MYO3B: variants seen among roughly 807,000 people sequenced by gnomAD.
MYO3B encodes myosin IIIB.
Under a neutral mutation model 174.6 loss-of-function variants are expected in MYO3B, and 156 were observed. The ratio of observed to expected loss-of-function variants is 0.89; its 90% CI spans 0.78 to 1.02. The LOEUF (loss-of-function observed/expected upper bound fraction) is 1.02, where lower values mean the gene tolerates loss of function less well. MYO3B is among the 50% of genes least tolerant of loss of function. The pLI, the probability that MYO3B is intolerant of heterozygous loss-of-function variation, is 0.00. For missense variants in MYO3B, 1,632 were observed against 1,639.4 expected, an observed-to-expected ratio of 1.00 and a Z score of 0.08; for synonymous variants, 563 against 569.1, an observed-to-expected ratio of 0.99 and a Z score of 0.15.
chr2:170,178,363 C>G, intron 1 of MYO3B, 74 bp downstream of exon 1: 1 of 1,596,720 alleles, frequency 6.3e-7, no homozygotes, highest in Non-Finnish European at 8.6e-7. Context: ...AGGGCAGATG[C>G]AGCTGCCCTG....
intron 7 of MYO3B, among the ~76,000 whole-genome samples, chr2:170,275,113 C>T (rs568270630): frequency 7.2e-5 from 11 of 152,250 alleles, no homozygotes; most frequent in African/African-American, 2.6e-4. Context: ...TGCTAGGTCC[C>T]CATTTAATGT....
chr2:170,185,507 CTG>C (rs2092451019), intron 1 of MYO3B, among the ~76,000 whole-genome samples: 2 of 152,130 alleles, frequency 1.3e-5, no homozygotes, highest in Admixed American at 1.3e-4. Flanking sequence ...GTCTATATAA[CTG>C]TTTTTATGCC....
intron 7 of MYO3B, among the ~76,000 whole-genome samples, chr2:170,260,337 A>T (rs961614501): frequency 6.6e-6 from 1 of 152,252 alleles, no homozygotes; most frequent in African/African-American, 2.4e-5. Context: ...GATAAAGAAA[A>T]TGTGGTACAT....
chr2:170,441,770 A>AC (rs1353672334), intron 22 of MYO3B, among the ~76,000 whole-genome samples: 1 of 152,212 alleles, frequency 6.6e-6, no homozygotes, highest in Non-Finnish European at 1.5e-5. Flanking sequence ...AATGCATTAT[A>AC]ATTAGCATAT....
At chr2:170,278,464 G>T (rs541079690) in intron 7 of MYO3B, among the ~76,000 whole-genome samples, 1 of 152,168 alleles carries the variant, frequency 6.6e-6, no homozygotes, top group South Asian at 2.1e-4. Flanking sequence ...GTTCATTCTA[G>T]TGCATAAATT....
intron 30 of MYO3B, among the ~76,000 whole-genome samples, chr2:170,540,728 G>T (rs1483815687): frequency 1.3e-5 from 2 of 152,120 alleles, no homozygotes; most frequent in East Asian, 3.9e-4. Flanking sequence ...GAGGAAGTTA[G>T]ATTTTTTAAG....
At chr2:170,492,185 G>A (rs981347507) in intron 25 of MYO3B, among the ~76,000 whole-genome samples, 9 of 152,214 alleles carry the variant, frequency 5.9e-5, no homozygotes, top group East Asian at 3.8e-4. Flanking sequence ...TCAACTGGTC[G>A]GGCTGGCATA....
chr2:170,645,872 T>C (rs1466658482), intron 32 of MYO3B, among the ~76,000 whole-genome samples: 3 of 152,258 alleles, frequency 2.0e-5, no homozygotes, highest in Admixed American at 2.0e-4. Flanking sequence ...CATACACATT[T>C]ATCGCCGCTT....
At chr2:170,400,429 G>A (rs2094467655) in intron 17 of MYO3B, 115 bp downstream of exon 17, 1 of 1,209,594 alleles carries the variant, frequency 8.3e-7, no homozygotes, top group Non-Finnish European at 1.1e-6. Context: ...TTATCGAGAT[G>A]GAGTCTCACT....
At chr2:170,479,294 AAAAT>A (rs1685526706) in intron 25 of MYO3B, among the ~76,000 whole-genome samples, 1 of 148,836 alleles carries the variant, frequency 6.7e-6, no homozygotes, top group Non-Finnish European at 1.5e-5. Context: ...AAAAAAATAA[AAAAT>A]AAATAAAAAA....
chr2:170,355,856 A>G (rs1184868524), intron 8 of MYO3B, among the ~76,000 whole-genome samples: 1 of 152,206 alleles, frequency 6.6e-6, no homozygotes, highest in Non-Finnish European at 1.5e-5. Context: ...GCAATGGATT[A>G]AGACAGATGG....
intron 25 of MYO3B, among the ~76,000 whole-genome samples, chr2:170,469,054 T>G (rs1684812846): frequency 6.6e-6 from 1 of 152,106 alleles, no homozygotes. Flanking sequence ...GAGAATCGCT[T>G]GAACCCAGGA....
intron 1 of MYO3B, among the ~76,000 whole-genome samples, chr2:170,196,873 G>A (rs1007409126): frequency 6.6e-6 from 1 of 152,172 alleles, no homozygotes; most frequent in Non-Finnish European, 1.5e-5. Flanking sequence ...AGAAGGAGAG[G>A]AGCCTGAATT....
intron 6 of MYO3B, among the ~76,000 whole-genome samples, chr2:170,229,509 A>T (rs1449365796): frequency 6.6e-6 from 1 of 152,240 alleles, no homozygotes; most frequent in African/African-American, 2.4e-5. Flanking sequence ...AATGACATTT[A>T]AAAATATTAG....
At chr2:170,208,264 CT>C (rs1289652945) in intron 3 of MYO3B, among the ~76,000 whole-genome samples, 1 of 152,144 alleles carries the variant, frequency 6.6e-6, no homozygotes, top group Non-Finnish European at 1.5e-5. Flanking sequence ...GCATGGACTC[CT>C]TATCATAAGC....
intron 25 of MYO3B, among the ~76,000 whole-genome samples, chr2:170,482,560 A>C (rs1037668666): frequency 7.9e-5 from 12 of 152,368 alleles, no homozygotes; most frequent in African/African-American, 2.6e-4. Flanking sequence ...CTGTAAGTTC[A>C]ATTAAACCTC....
chr2:170,335,355 C>G, intron 7 of MYO3B, 30 bp from the exon 8 acceptor site: 3 of 1,553,028 alleles, frequency 1.9e-6, no homozygotes, highest in Non-Finnish European at 2.6e-6. Flanking sequence ...ATTCTTCTTT[C>G]TTAAGAAAAA....
chr2:170,488,070 C>T (rs1686184256), intron 25 of MYO3B, among the ~76,000 whole-genome samples: 1 of 152,164 alleles, frequency 6.6e-6, no homozygotes, highest in Non-Finnish European at 1.5e-5. Context: ...CCATGTTATG[C>T]CTATTTTGGC....
intron 32 of MYO3B, among the ~76,000 whole-genome samples, chr2:170,554,754 T>G (rs1172193974): frequency 6.6e-6 from 1 of 152,214 alleles, no homozygotes; most frequent in Non-Finnish European, 1.5e-5. Context: ...GGTTTTGGCG[T>G]TGGCCCAGGA....
Sources: allele counts gnomAD v4.1 joint callset (sites outside exome capture counted in the v4.1 genomes callset), GRCh38; gene constraint gnomAD v4.1.1; transcripts MANE v1.5; gene names NCBI Gene and HGNC (gene_info 2026-07-23, HGNC 2026-07-21).